Variants in RUFY3 observed in about 807,000 individuals in gnomAD.
RUFY3 encodes the protein RUN and FYVE domain containing 3, also known as protein RUFY3.
In RUFY3, 34 loss-of-function variants were observed where a neutral mutation model predicts 84.0. That is an observed-to-expected ratio of 0.40 (90% CI 0.31 to 0.54). The LOEUF (loss-of-function observed/expected upper bound fraction) is 0.54, where lower values mean the gene tolerates loss of function less well. Ranked by LOEUF, RUFY3 falls within the 20% of genes least tolerant of loss-of-function variation. RUFY3 has a pLI of 0.39. For missense variants in RUFY3, 507 were observed against 736.8 expected (o/e 0.69, Z 3.61); for synonymous variants, 242 against 252.9 (o/e 0.96, Z 0.41).
At chr4:70,769,372 G>C (rs1320544924) in intron 5 of RUFY3, among the ~76,000 whole-genome samples, 1 of 152,118 alleles carries the variant, frequency 6.6e-6, no homozygotes, top group Non-Finnish European at 1.5e-5. Flanking sequence ...GCATTATACT[G>C]TAGTCTATTA....
intron 8 of RUFY3, among the ~76,000 whole-genome samples, chr4:70,782,569 C>T (rs957933368): frequency 7.2e-5 from 11 of 152,026 alleles, no homozygotes; most frequent in Admixed American, 7.2e-4. Flanking sequence ...AGGCATGAGC[C>T]ACTGCACCTG....
At chr4:70,711,398 C>T (rs933635857) in intron 1 of RUFY3, among the ~76,000 whole-genome samples, 4 of 152,154 alleles carry the variant, frequency 2.6e-5, no homozygotes, top group Non-Finnish European at 5.9e-5. Flanking sequence ...CTTTCAGAAC[C>T]CCAAAAGATT....
intron 1 of RUFY3, among the ~76,000 whole-genome samples, chr4:70,713,068 G>T (rs1193693448): frequency 1.3e-5 from 2 of 152,164 alleles, no homozygotes; most frequent in African/African-American, 4.8e-5. Context: ...TTGTTGCCCA[G>T]TTTGGAGTGC....
At chr4:70,794,400 G>A (rs897488125) in intron 13 of RUFY3, among the ~76,000 whole-genome samples, 1 of 152,170 alleles carries the variant, frequency 6.6e-6, no homozygotes, top group Non-Finnish European at 1.5e-5. Flanking sequence ...GGCCAAGATG[G>A]TGAAACCCCA....
chr4:70,799,815 A>AAAGAAAAAAAAAATTAT (rs1319313790), intron 14 of RUFY3: 120 of 241,336 alleles, frequency 5.0e-4, no homozygotes, highest in Admixed American at 2.2e-3. Flanking sequence ...AGTCTGGGGA[A>AAAGAAAAAAAAAATTAT]AAGAAAAAAA....
chr4:70,804,992 A>G (rs1732691236), intron 17 of RUFY3, among the ~76,000 whole-genome samples: 1 of 152,218 alleles, frequency 6.6e-6, no homozygotes, highest in African/African-American at 2.4e-5. Flanking sequence ...ATAGAAATGT[A>G]TAAGTAAATA....
chr4:70,742,757 G>A (rs1721526626), intron 1 of RUFY3, among the ~76,000 whole-genome samples: 3 of 152,152 alleles, frequency 2.0e-5, no homozygotes, highest in South Asian at 4.1e-4. Flanking sequence ...AGTAGATCTG[G>A]TCATTACCAA....
intron 4 of RUFY3, among the ~76,000 whole-genome samples, chr4:70,766,345 A>G (rs1045107637): frequency 6.6e-6 from 1 of 152,074 alleles, no homozygotes; most frequent in South Asian, 2.1e-4. Context: ...CCCAGGTTCA[A>G]TCGATTCTCC....
chr4:70,716,283 T>C (rs1741601658), intron 1 of RUFY3, among the ~76,000 whole-genome samples: 1 of 151,856 alleles, frequency 6.6e-6, no homozygotes, highest in Non-Finnish European at 1.5e-5. Context: ...GTAGCTGGGA[T>C]TACAGGCACG....
intron 1 of RUFY3, among the ~76,000 whole-genome samples, chr4:70,759,639 A>G (rs998377248): frequency 1.1e-4 from 16 of 152,190 alleles, no homozygotes; most frequent in African/African-American, 3.9e-4. Context: ...CATTCCCACC[A>G]ACAGTGTATA....
Position 70,806,709 on chromosome 4 carries a change from C to T in RUFY3, c.*50C>T. 6.2e-7 allele frequency: 1 copy of T among 1,604,920 alleles called. No individual in the cohort carries two copies. The highest frequency in any genetic ancestry group is 2.2e-5 in the East Asian group (1 of 44,730). ...AAACGTTTATGCAGGCTCCTCTGTACCTGTGTTTTAGCTGTCAGGATCTCA... is the reference window on the plus strand; with the variant it reads ...AAACGTTTATGCAGGCTCCTCTGTATCTGTGTTTTAGCTGTCAGGATCTCA... On this transcript the variant is annotated 3_prime_UTR_variant, in exon 18 of 18. Coordinates refer to ENST00000381006, the MANE Select transcript of RUFY3 (RefSeq NM_001037442.4).
intron 12 of RUFY3, chr4:70,789,802 TTA>T: frequency 1.7e-6 from 2 of 1,202,576 alleles, no homozygotes; most frequent in Non-Finnish European, 2.1e-6. Context: ...TGACTAGCCT[TTA>T]AAAAAAAAAA....
At chr4:70,802,180 C>T (rs1732313200) in intron 15 of RUFY3, among the ~76,000 whole-genome samples, 1 of 152,182 alleles carries the variant, frequency 6.6e-6, no homozygotes, top group Admixed American at 6.5e-5. Context: ...TACCTATTAG[C>T]AACTTCCAGG....
intron 1 of RUFY3, among the ~76,000 whole-genome samples, chr4:70,729,935 G>GT (rs11420754): frequency 0.54 from 70,472 of 129,342 alleles, 19,847 homozygotes; most frequent in Non-Finnish European, 0.62. Flanking sequence ...TGTTTCTTTC[G>GT]TTTTTTTTTT....
intron 1 of RUFY3, among the ~76,000 whole-genome samples, chr4:70,736,382 A>G (rs771427278): frequency 2.6e-5 from 4 of 152,072 alleles, no homozygotes; most frequent in Non-Finnish European, 5.9e-5. Flanking sequence ...TTTTCAATGT[A>G]TACACTTTTT....
At chr4:70,771,080 T>C (rs998614701) in intron 5 of RUFY3, among the ~76,000 whole-genome samples, 17 of 152,242 alleles carry the variant, frequency 1.1e-4, no homozygotes, top group African/African-American at 4.1e-4. Context: ...ATAATTTTGA[T>C]AGTAACATCA....
intron 12 of RUFY3, chr4:70,789,909 G>A: frequency 9.6e-7 from 1 of 1,042,208 alleles, no homozygotes; most frequent in Non-Finnish European, 1.2e-6. Context: ...AAGCATGGAA[G>A]GACTCTTAAA....
At chr4:70,718,040 G>A (rs1266101008), upstream of RUFY3, among the ~76,000 whole-genome samples, 5 of 151,682 alleles carry the variant, frequency 3.3e-5, no homozygotes, top group Non-Finnish European at 5.9e-5. Flanking sequence ...CCACCACCAT[G>A]CCCAGCTAAT....
At chr4:70,793,972 G>C in intron 13 of RUFY3, 68 bp downstream of exon 13, 1 of 1,551,332 alleles carries the variant, frequency 6.4e-7, no homozygotes, top group South Asian at 1.2e-5. Context: ...AGCAAGAAAA[G>C]GGGTCTCATG....
Sources: allele counts gnomAD v4.1 joint callset (sites outside exome capture counted in the v4.1 genomes callset), GRCh38; gene constraint gnomAD v4.1.1; transcripts MANE v1.5; gene names NCBI Gene and HGNC (gene_info 2026-07-23, HGNC 2026-07-21).